MFAP3L: variants seen among roughly 807,000 people sequenced by gnomAD.
The protein encoded by MFAP3L is microfibril associated protein 3 like.
A neutral mutation model predicts 20.0 loss-of-function variants in MFAP3L; 5 were observed. That is an observed-to-expected ratio of 0.25 (90% CI 0.13 to 0.53). MFAP3L has a LOEUF of 0.53. MFAP3L is among the 20% of genes least tolerant of loss of function. The probability of loss-of-function intolerance (pLI) is 0.96; values close to 1 mark genes in which losing one functional copy is unlikely to be tolerated. For missense variants in MFAP3L, 409 were observed against 527.5 expected, an observed-to-expected ratio of 0.78 and a Z score of 2.20; for synonymous variants, 219 against 213.0, an observed-to-expected ratio of 1.03 and a Z score of -0.25.
Position 169,992,107 on chromosome 4 carries a change from G to A in MFAP3L, c.501C>T (p.Leu167=). The stretch of plus-strand genomic sequence containing the variant: ...TCATCATGCACAGGCGGGTGATATT[G>A]AGGACCATGACGATGGTGAAGGCCA... The part of the protein sequence containing the change: ...CLVAFTIVMV[L]NITRLCMMSS... Residue 167 remains leucine (L), a synonymous_variant, in exon 3 of 3, where the codon CTC becomes CTT. Coordinates refer to ENST00000361618, the MANE Select transcript of MFAP3L (RefSeq NM_021647.8). The surrounding 1 kb of genome is among the most constrained non-coding windows in gnomAD (Gnocchi z 4.3). 1 of 1,614,180 alleles carries A rather than the reference G, an allele frequency of 6.2e-7. No homozygotes were observed.
At chr4:170,010,809 G>GC (rs945152007) in intron 1 of MFAP3L, among the ~76,000 whole-genome samples, 6 of 133,428 alleles carry the variant, frequency 4.5e-5, no homozygotes, top group African/African-American at 1.5e-4. Flanking sequence ...ACTGCATTGC[G>GC]GGGGGGTGGG....
intron 1 of MFAP3L, among the ~76,000 whole-genome samples, chr4:170,021,361 T>A (rs1581528644): frequency 6.6e-6 from 1 of 152,204 alleles, no homozygotes; most frequent in South Asian, 2.1e-4. Context: ...CCTATTAAGA[T>A]TTAAGAGCGA....
In MFAP3L at chr4:170,002,429, T is replaced by C. The variant is rs146634530; in HGVS notation, c.298+3151A>G. Among the ~76,000 whole-genome samples the C allele has an allele frequency of 1.1e-3, 170 of 152,350 alleles. 1 individual carries two copies. The highest frequency in any genetic ancestry group is 3.9e-3 in the African/African-American group (162 of 41,596). On this transcript the variant is annotated intron_variant, in intron 2 of 2. Coordinates refer to ENST00000361618, the MANE Select transcript of MFAP3L (RefSeq NM_021647.8). ...CTTAGTAAATGGCAGCAGTTGTTAA[T>C]GAAAATTATAATTTTGTTAGTTTGG... is the stretch of plus-strand genomic sequence containing the variant.
Position 169,997,802 on chromosome 4 carries a change from C to CTTTT in MFAP3L, c.299-5497_299-5494dup, listed in dbSNP as rs397768343. 5.0e-3 allele frequency: 4,646 copies of CTTTT among 934,690 alleles called. 5 individuals carry two copies. The highest frequency in any genetic ancestry group is 8.2e-3 in the Middle Eastern group (15 of 1,838). The allele number at this position is 934,690 out of a possible 1,614,324, so 57.9% of individuals were successfully genotyped here. ...CCAGCTCGGCCTCCTTTCATTAATT[C>CTTTT]TTTTTTTTTTTTTTTTAATATTGCT... On this transcript the variant is annotated intron_variant, in intron 2 of 2. Transcript: ENST00000361618.
intron 2 of MFAP3L, among the ~76,000 whole-genome samples, chr4:170,002,995 G>T (rs756209586): frequency 3.9e-5 from 6 of 152,038 alleles, no homozygotes; most frequent in Non-Finnish European, 1.5e-5. Flanking sequence ...TTTACCAATA[G>T]GCCATTCCAG....
chr4:170,026,262 G>T lies in MFAP3L; in HGVS notation c.-162C>A. ...ACACCGCCGCGCCACTCAGGTGGCC[G>T]CCGTGCACCCCTCGCCATGGCCAGC... is the stretch of plus-strand genomic sequence containing the variant. On this transcript the variant is annotated 5_prime_UTR_variant, in exon 1 of 3. Transcript: ENST00000361618. The T allele has an allele frequency of 2.0e-6, 2 of 984,556 alleles. No individual in the cohort carries two copies. The highest frequency in any genetic ancestry group is 2.4e-6 in the Non-Finnish European group (2 of 829,716). The allele number at this position is 984,556 out of a possible 1,614,324, so 61.0% of individuals were successfully genotyped here.
intron 1 of MFAP3L, among the ~76,000 whole-genome samples, chr4:170,013,373 A>T (rs1374426229): frequency 6.6e-6 from 1 of 152,230 alleles, no homozygotes; most frequent in Non-Finnish European, 1.5e-5. Context: ...ACAAACCCTT[A>T]TAAAGGAGGA....
At chr4:169,997,302 C>T (rs1457588966) in intron 2 of MFAP3L, among the ~76,000 whole-genome samples, 1 of 152,070 alleles carries the variant, frequency 6.6e-6, no homozygotes, top group African/African-American at 2.4e-5. Flanking sequence ...ACCTCAGAAG[C>T]TGTAAAGGAA....
At chr4:170,005,480 C>CT in intron 2 of MFAP3L, 100 bp downstream of exon 2, 2 of 1,300,628 alleles carry the variant, frequency 1.5e-6, no homozygotes, top group South Asian at 2.8e-5. Context: ...AAGATGAGAT[C>CT]TTTAAATCAT....
chr4:169,997,775 G>A lies in MFAP3L; in HGVS notation c.299-5466C>T, dbSNP rs550173364. 35 of 983,294 alleles carry A rather than the reference G, an allele frequency of 3.6e-5. No individual in the cohort carries two copies. In the Admixed American group the frequency reaches 1.1e-3, roughly 30 times the overall value. 60.9% of individuals were successfully genotyped at this position (983,294 alleles called of 1,614,324 possible). ...ACCGCAGCCTGGATGGCCGACTCCT[G>A]CCCAGCTCGGCCTCCTTTCATTAAT... is the stretch of plus-strand genomic sequence containing the variant. On this transcript the variant is annotated intron_variant, in intron 2 of 2. Coordinates refer to ENST00000361618, the MANE Select transcript of MFAP3L (RefSeq NM_021647.8).
chr4:170,021,685 C>T (rs1740046438), intron 1 of MFAP3L, among the ~76,000 whole-genome samples: 1 of 152,160 alleles, frequency 6.6e-6, no homozygotes, highest in Non-Finnish European at 1.5e-5. Flanking sequence ...GTTTTCTGGA[C>T]ACAGAGATGT....
In MFAP3L at chr4:170,026,323, C is replaced by A. The variant is rs1387017392; in HGVS notation, c.-223G>T. On this transcript the variant is annotated 5_prime_UTR_variant, in exon 1 of 3. Transcript: ENST00000361618. ...CCGCTGCGCCGCACTCTGCGCCGGA[C>A]GCCCGGTAGCGCCTACTGCGGGCGA... 3 of 977,702 alleles carry A rather than the reference C, an allele frequency of 3.1e-6. No homozygotes were observed. The African/African-American group carries it at 5.3e-5, about 17-fold the overall frequency. The allele number at this position is 977,702 out of a possible 1,614,324, so 60.6% of individuals were successfully genotyped here.
intron 2 of MFAP3L, chr4:170,002,309 C>T: frequency 4.2e-6 from 4 of 945,032 alleles, no homozygotes; most frequent in Non-Finnish European, 5.0e-6. Flanking sequence ...TCTGGTTTCA[C>T]CTGGTTTCTC....
intron 2 of MFAP3L, among the ~76,000 whole-genome samples, chr4:169,998,815 A>G (rs957642529): frequency 3.3e-5 from 5 of 152,248 alleles, no homozygotes; most frequent in African/African-American, 4.8e-5. Context: ...CAAAACGAGT[A>G]TGTTAGTTTC....
chr4:169,994,092 T>C (rs1333662914), intron 2 of MFAP3L: 3 of 851,642 alleles, frequency 3.5e-6, no homozygotes, highest in Non-Finnish European at 4.2e-6. Context: ...ACAGCAGGCA[T>C]GGACAAAAAC....
At chr4:170,014,005 C>T (rs1156783545) in intron 1 of MFAP3L, among the ~76,000 whole-genome samples, 1 of 152,200 alleles carries the variant, frequency 6.6e-6, no homozygotes, top group Non-Finnish European at 1.5e-5. Context: ...AGGCCAATCC[C>T]TAAAACGGAT....
chr4:170,001,849 T>C (rs1281519900), intron 2 of MFAP3L: 3 of 848,746 alleles, frequency 3.5e-6, no homozygotes, highest in South Asian at 5.4e-5. Flanking sequence ...TCCTGTGGAA[T>C]TGAAGTGACA....
chr4:169,993,583 C>T (rs973854998), intron 2 of MFAP3L: 1 of 152,120 alleles, frequency 6.6e-6, no homozygotes, highest in East Asian at 1.9e-4. Flanking sequence ...CAACACAGGG[C>T]CTGTTTTCCC....
At chr4:170,015,360 T>G (rs1318391068) in intron 1 of MFAP3L, among the ~76,000 whole-genome samples, 1 of 151,714 alleles carries the variant, frequency 6.6e-6, no homozygotes, top group African/African-American at 2.4e-5. Flanking sequence ...GAAGAAACGG[T>G]GAGGGGTAAA....
Sources: gnomAD v4.1 joint callset for allele counts (sites outside exome capture counted in the v4.1 genomes callset) on GRCh38, gnomAD v4.1.1 for gene constraint, Gnocchi (gnomAD v3.1) non-coding constraint, MANE v1.5 for transcripts, NCBI Gene and HGNC (gene_info 2026-07-23, HGNC 2026-07-21) for gene names.